CFAP46: variants seen among roughly 807,000 people sequenced by gnomAD.
CFAP46 encodes the protein cilia and flagella associated protein 46.
CFAP46 carries 245 observed loss-of-function variants against 325.7 expected under a neutral mutation model. The observed-to-expected ratio is 0.75, with a 90% CI of 0.68 to 0.84. CFAP46 has a LOEUF of 0.84. Ranked by LOEUF, CFAP46 falls within the 40% of genes least tolerant of loss-of-function variation. CFAP46 has a pLI of 0.00. For synonymous variants in CFAP46, 1,523 were observed against 1,495.9 expected, an observed-to-expected ratio of 1.02 and a Z score of -0.42; for missense variants, 3,346 against 3,543.0, an observed-to-expected ratio of 0.94 and a Z score of 1.41.
rs1849134873 is a variant in CFAP46 at position 132,886,557 on chromosome 10, A to C, written c.3305-598T>G. On this transcript the variant is annotated intron_variant, in intron 25 of 57. Transcript: ENST00000368586. The surrounding 1 kb of genome is among the most constrained non-coding windows in gnomAD (Gnocchi z 5.8). ...GGCCATCAGTGCCCCCAAATGCACG[A>C]AGCCAGCAGGGTGGATCCTGGTGGG... is the stretch of plus-strand genomic sequence containing the variant. Among the ~76,000 whole-genome samples, 1 of 152,164 alleles carries C rather than the reference A, an allele frequency of 6.6e-6. No individual in the cohort carries two copies. The highest frequency in any genetic ancestry group is 2.1e-4 in the South Asian group (1 of 4,826).
intron 50 of CFAP46, among the ~76,000 whole-genome samples, chr10:132,819,137 A>ATTT (rs2134808921): frequency 6.6e-6 from 1 of 152,344 alleles, no homozygotes; most frequent in South Asian, 2.1e-4. Context: ...AAATTAAGAA[A>ATTT]ACCACCCTAT....
At chr10:132,937,789 C>G (rs939921897) in intron 5 of CFAP46, 114 bp from the exon 6 acceptor site, 58 of 1,417,680 alleles carry the variant, frequency 4.1e-5, no homozygotes, top group Non-Finnish European at 5.3e-5. Context: ...TAAAAGCTAC[C>G]CTGGGGTCAG....
chr10:132,926,777 T>G (rs1464788384), intron 9 of CFAP46, 111 bp from the exon 10 acceptor site: 28 of 808,664 alleles, frequency 3.5e-5, no homozygotes, highest in Non-Finnish European at 5.8e-5. Context: ...GTTTAACAAA[T>G]ACAAGTCACA....
At position 132,940,892 on chromosome 10, in the gene CFAP46, C is replaced by T. The variant is rs930284126; in HGVS notation, c.371+104G>A. 24 of 1,161,546 alleles carry T rather than the reference C, an allele frequency of 2.1e-5. 1 individual carries two copies. The highest frequency in any genetic ancestry group is 2.7e-5 in the Non-Finnish European group (21 of 784,836). 72.0% of individuals were successfully genotyped at this position (1,161,546 alleles called of 1,614,324 possible). On this transcript the variant is annotated intron_variant, in intron 4 of 57. Coordinates refer to ENST00000368586, the MANE Select transcript of CFAP46 (RefSeq NM_001200049.3). Reference sequence around the variant, plus strand: ...GTGCATGAAAATCACAGACCACAAACGAGGGGAAACCCCACAGTTCAAATA... The same window carrying T: ...GTGCATGAAAATCACAGACCACAAATGAGGGGAAACCCCACAGTTCAAATA...
At chr10:132,926,332 C>T (rs1591095492) in intron 10 of CFAP46, among the ~76,000 whole-genome samples, 1 of 152,182 alleles carries the variant, frequency 6.6e-6, no homozygotes, top group African/African-American at 2.4e-5. Context: ...GCATCCCAGC[C>T]CCCACCTGCA....
intron 33 of CFAP46, among the ~76,000 whole-genome samples, chr10:132,867,775 T>C (rs545130009): frequency 6.6e-6 from 1 of 152,314 alleles, no homozygotes; most frequent in East Asian, 1.9e-4. Flanking sequence ...CGACTCCATC[T>C]CTCCGGCGTG....
intron 22 of CFAP46, among the ~76,000 whole-genome samples, chr10:132,900,453 A>C (rs1467288047): frequency 6.6e-6 from 1 of 152,248 alleles, no homozygotes; most frequent in East Asian, 1.9e-4. Flanking sequence ...AGCTCAGAGG[A>C]GGCACCAGAT....
At chr10:132,825,673 A>G (rs1310101560) in intron 50 of CFAP46, among the ~76,000 whole-genome samples, 2 of 152,254 alleles carry the variant, frequency 1.3e-5, no homozygotes, top group Non-Finnish European at 2.9e-5. Flanking sequence ...GACCCATTTA[A>G]GAGAGTGAAA....
At position 132,922,490 on chromosome 10, in the gene CFAP46, G is replaced by A; in HGVS notation, c.1475C>T (p.Ala492Val). 4 of 1,534,386 alleles carry A rather than the reference G, an allele frequency of 2.6e-6. No individual in the cohort carries two copies. The highest frequency in any genetic ancestry group is 1.8e-6 in the Non-Finnish European group (2 of 1,137,706). ...TCCCCGGGGCGGCACCTGCTCAACGGCCATGATGGCCTTGTCCTCTGCGCG... is the reference window on the plus strand; with the variant it reads ...TCCCCGGGGCGGCACCTGCTCAACGACCATGATGGCCTTGTCCTCTGCGCG... ...PERAEDKAIM[A>V]VEQAKKATPK... The change falls in exon 12 of 58, where the codon GCC becomes GTC. Residue 492 changes from alanine (A) to valine (V), a missense_variant. Physicochemically the swap from Ala to Val is moderately conservative, Grantham distance 64 (BLOSUM62 0). Coordinates refer to ENST00000368586, the MANE Select transcript of CFAP46 (RefSeq NM_001200049.3).
chr10:132,831,576 T>G (rs1330450759), intron 50 of CFAP46, among the ~76,000 whole-genome samples: 1 of 152,244 alleles, frequency 6.6e-6, no homozygotes, highest in Non-Finnish European at 1.5e-5. Flanking sequence ...CTTTGGATAC[T>G]AAGAGATAAG....
chr10:132,826,009 CGGAGCCAGGCAGGAGCCGGAGCCAT>C, intron 50 of CFAP46, among the ~76,000 whole-genome samples: 1 of 146,792 alleles, frequency 6.8e-6, no homozygotes, highest in East Asian at 2.1e-4. Context: ...AGACCAGCCA[CGGAGCCAGGCAGGAGCCGGAGCCAT>C]GGAGCCAGGC....
intron 50 of CFAP46, among the ~76,000 whole-genome samples, chr10:132,815,345 G>A (rs1419154439): frequency 6.6e-6 from 1 of 152,150 alleles, no homozygotes. Flanking sequence ...TCCTGTTTCT[G>A]CCCCCGACTT....
At chr10:132,914,003 C>A (rs1038615425) in intron 17 of CFAP46, among the ~76,000 whole-genome samples, 2 of 152,196 alleles carry the variant, frequency 1.3e-5, no homozygotes, top group Non-Finnish European at 2.9e-5. Flanking sequence ...GACCCCCGCT[C>A]ACCCCTGCAA....
At chr10:132,809,623 C>G (rs540792046) in intron 57 of CFAP46, among the ~76,000 whole-genome samples, 47 of 152,296 alleles carry the variant, frequency 3.1e-4, no homozygotes, top group African/African-American at 1.0e-3. Context: ...CAGACCACCC[C>G]CTCCGTGCAC....
intron 50 of CFAP46, among the ~76,000 whole-genome samples, chr10:132,819,936 G>C (rs918617406): frequency 2.0e-5 from 3 of 152,184 alleles, no homozygotes; most frequent in Non-Finnish European, 4.4e-5. Flanking sequence ...AGGAAATAAC[G>C]TAATGCAAAA....
Position 132,940,552 on chromosome 10 carries a change from G to A in CFAP46, c.371+444C>T, listed in dbSNP as rs1016091024. ...GAAGGAGAAGGCGCCCTGGGGGTGC[G>A]CCCGGGGAGGCCCTGGAGAAAACAG... On this transcript the variant is annotated intron_variant, in intron 4 of 57. Transcript: ENST00000368586. Among the ~76,000 whole-genome samples the A allele has an allele frequency of 2.1e-4, 32 of 152,214 alleles. 1 individual carries two copies. Among genetic ancestry groups the A allele is most frequent in the East Asian group, 7.8e-4 (4 of 5,146 alleles).
At chr10:132,936,488 T>C (rs1448964535) in intron 7 of CFAP46, among the ~76,000 whole-genome samples, 1 of 127,064 alleles carries the variant, frequency 7.9e-6, no homozygotes, top group African/African-American at 3.0e-5. Flanking sequence ...CCAAACACAC[T>C]GTGATCTCCT....
rs745939150 is a variant in CFAP46 at position 132,942,517 on chromosome 10, GGGTCCGC to G, written c.-40_-34del. The G allele has an allele frequency of 2.5e-4, 315 of 1,259,608 alleles. 4 individuals carry two copies. Among genetic ancestry groups the G allele is most frequent in the Middle Eastern group, 2.6e-4 (1 of 3,806 alleles). 78.0% of individuals were successfully genotyped at this position (1,259,608 alleles called of 1,614,324 possible). On this transcript the variant is annotated 5_prime_UTR_variant, in exon 1 of 58. Coordinates refer to ENST00000368586, the MANE Select transcript of CFAP46 (RefSeq NM_001200049.3). The stretch of plus-strand genomic sequence containing the variant: ...GCGCCCTGCTCGTCCGCTCTCTCCG[GGGTCCGC>G]GGTGCGTCCTGCCGCCCACTGTCGG...
intron 9 of CFAP46, 29 bp downstream of exon 9, chr10:132,929,676 C>T (rs1849862867): frequency 6.3e-7 from 1 of 1,588,912 alleles, no homozygotes; most frequent in Non-Finnish European, 8.6e-7. Flanking sequence ...CGCCTCATCC[C>T]CAGGCAGCAG....
Sources: allele counts gnomAD v4.1 joint callset (sites outside exome capture counted in the v4.1 genomes callset), GRCh38; gene constraint gnomAD v4.1.1; non-coding constraint Gnocchi (gnomAD v3.1); transcripts MANE v1.5; gene names NCBI Gene and HGNC (gene_info 2026-07-23, HGNC 2026-07-21).